TMEM40: variants seen among roughly 807,000 people sequenced by gnomAD.
TMEM40 encodes transmembrane protein 40.
In TMEM40, 34 loss-of-function variants were observed where a neutral mutation model predicts 40.8. The observed-to-expected ratio is 0.83, with a 90% CI of 0.63 to 1.11. The LOEUF is 1.11. Among genes scored for constraint, TMEM40 ranks in the 50% least tolerant of loss-of-function variants. TMEM40 has a pLI of 0.00. For synonymous variants in TMEM40, 106 were observed against 107.0 expected, an observed-to-expected ratio of 0.99 and a Z score of 0.06; for missense variants, 296 against 280.2, an observed-to-expected ratio of 1.06 and a Z score of -0.40.
At chr3:12,742,286 C>A (rs1258492853) in intron 5 of TMEM40, among the ~76,000 whole-genome samples, 168 bp downstream of exon 5, 2 of 152,092 alleles carry the variant, frequency 1.3e-5, no homozygotes, top group African/African-American at 4.8e-5. Flanking sequence ...CAATCTCATG[C>A]CCGCCTCCCC....
intron 1 of TMEM40, among the ~76,000 whole-genome samples, chr3:12,765,752 G>A (rs1052883542): frequency 8.6e-5 from 13 of 151,926 alleles, no homozygotes; most frequent in Non-Finnish European, 1.3e-4. Flanking sequence ...TGTGTTTTTA[G>A]TAGAGACTGG....
At chr3:12,738,824 C>G (rs2061359385) in intron 5 of TMEM40, 2 of 489,026 alleles carry the variant, frequency 4.1e-6, no homozygotes, top group African/African-American at 1.9e-5. Context: ...GTCAATTTCC[C>G]CAGAGAAGCC....
At chr3:12,758,079 A>G (rs1380960494) in intron 1 of TMEM40, among the ~76,000 whole-genome samples, 1 of 151,990 alleles carries the variant, frequency 6.6e-6, no homozygotes, top group Non-Finnish European at 1.5e-5. Flanking sequence ...TAAAAAAAAA[A>G]AAAAGAAAGA....
At chr3:12,749,613 T>A in intron 2 of TMEM40, 147 bp downstream of exon 2, 1 of 664,050 alleles carries the variant, frequency 1.5e-6, no homozygotes, top group Non-Finnish European at 2.6e-6. Context: ...TGTGTGTGCA[T>A]GTGTGTAAAA....
chr3:12,737,583 T>C, intron 8 of TMEM40, 124 bp downstream of exon 8: 1 of 866,222 alleles, frequency 1.2e-6, no homozygotes, highest in East Asian at 2.4e-5. Context: ...GAGTAATGTG[T>C]AAACTGCAGG....
intron 1 of TMEM40, among the ~76,000 whole-genome samples, chr3:12,768,906 GCGGGCC>G (rs1559538102): frequency 2.0e-5 from 2 of 101,424 alleles, no homozygotes; most frequent in African/African-American, 1.2e-4. Context: ...GCGGGGCAGG[GCGGGCC>G]GGGGCCGGGG....
chr3:12,745,083 G>T (rs539543272), intron 3 of TMEM40, among the ~76,000 whole-genome samples: 1 of 152,056 alleles, frequency 6.6e-6, no homozygotes, highest in East Asian at 1.9e-4. Flanking sequence ...TTTTGAGACG[G>T]AATTTTGCTC....
intron 1 of TMEM40, 78 bp from the exon 2 acceptor site, chr3:12,749,918 A>C: frequency 7.6e-7 from 1 of 1,321,788 alleles, no homozygotes; most frequent in Non-Finnish European, 1.1e-6. Flanking sequence ...GCAAATAAAT[A>C]AGAAAAAGAC....
chr3:12,762,395 T>C (rs371082923), upstream of TMEM40, among the ~76,000 whole-genome samples: 50 of 152,312 alleles, frequency 3.3e-4, no homozygotes, highest in African/African-American at 1.2e-3. Flanking sequence ...GGTGCTGATT[T>C]AGAGGTAGAA....
chr3:12,746,327 A>G (rs1277448166), intron 3 of TMEM40, among the ~76,000 whole-genome samples: 1 of 152,222 alleles, frequency 6.6e-6, no homozygotes, highest in Non-Finnish European at 1.5e-5. Context: ...TGTTAAATAA[A>G]TGTAAGGAAT....
At chr3:12,736,881 CT>C (rs760437654) in intron 8 of TMEM40, 46 bp from the exon 9 acceptor site, 1 of 1,612,832 alleles carries the variant, frequency 6.2e-7, no homozygotes, top group Non-Finnish European at 8.5e-7. Flanking sequence ...CTTTCTCTCT[CT>C]TTTTTTGGGC....
intron 1 of TMEM40, among the ~76,000 whole-genome samples, chr3:12,753,673 A>G (rs916292731): frequency 6.6e-6 from 1 of 152,026 alleles, no homozygotes; most frequent in Non-Finnish European, 1.5e-5. Flanking sequence ...TGGTTAGAGG[A>G]CTCTAGCACC....
At chr3:12,736,946 C>A (rs2106605382) in intron 8 of TMEM40, 111 bp from the exon 9 acceptor site, 1 of 1,338,694 alleles carries the variant, frequency 7.5e-7, no homozygotes, top group Non-Finnish European at 1.1e-6. Flanking sequence ...TTGTGCGATC[C>A]CAGCTCATTG....
chr3:12,749,270 C>T (rs1004659587), intron 2 of TMEM40, among the ~76,000 whole-genome samples: 2 of 152,100 alleles, frequency 1.3e-5, no homozygotes, highest in South Asian at 2.1e-4. Context: ...CTGATCTGCC[C>T]GCCTCGGCCT....
chr3:12,738,709 G>A (rs2061358002), intron 5 of TMEM40, 121 bp from the exon 6 acceptor site: 5 of 1,067,640 alleles, frequency 4.7e-6, no homozygotes, highest in Non-Finnish European at 4.3e-6. Flanking sequence ...CGGCCAGGTG[G>A]GGAATGGAGC....
At chr3:12,767,804 C>A (rs1351587687) in intron 1 of TMEM40, among the ~76,000 whole-genome samples, 1 of 152,104 alleles carries the variant, frequency 6.6e-6, no homozygotes, top group African/African-American at 2.4e-5. Context: ...ACCTTGAGGA[C>A]CTACTGGGGC....
At chr3:12,766,888 G>A (rs1245533307) in intron 1 of TMEM40, among the ~76,000 whole-genome samples, 1 of 152,174 alleles carries the variant, frequency 6.6e-6, no homozygotes, top group Non-Finnish European at 1.5e-5. Context: ...TCGGCCTAGT[G>A]ATCAGGCCAC....
At chr3:12,752,723 C>A (rs376923467) in intron 1 of TMEM40, among the ~76,000 whole-genome samples, 1 of 151,824 alleles carries the variant, frequency 6.6e-6, no homozygotes. Context: ...ACTTGAACCC[C>A]GGAGGCAGAG....
rs552698091 is a variant in TMEM40 at position 12,736,835 on chromosome 3, T to C, written c.473A>G (p.Asp158Gly). ...CAGGAGGACGAAATGGAAAAACTCA[T>C]CTGTGAAGGCAGGGGTGGGCAATCA... ...QLRRLNIKKD[D>G]EFFHFVLLCF... The change falls in exon 9 of 12, where the codon GAT (aspartate) becomes GGT (glycine). Residue 158 changes from aspartate to glycine, a missense_variant and splice_region_variant. Asp to Gly is a moderately conservative substitution (Grantham distance 94). Coordinates refer to ENST00000314124, the MANE Select transcript of TMEM40 (RefSeq NM_018306.4). 1.2e-6 allele frequency: 2 copies of C among 1,614,076 alleles called. No homozygotes were observed. The highest frequency in any genetic ancestry group is 2.2e-5 in the South Asian group (2 of 91,080).
Sources: allele counts gnomAD v4.1 joint callset (sites outside exome capture counted in the v4.1 genomes callset), GRCh38; gene constraint gnomAD v4.1.1; transcripts MANE v1.5; gene names NCBI Gene and HGNC (gene_info 2026-07-23, HGNC 2026-07-21).